NME8: variants seen among roughly 807,000 people sequenced by gnomAD.
The protein encoded by NME8 is protein NME8.
NME8 carries 72 observed loss-of-function variants against 82.3 expected under a neutral mutation model. The ratio of observed to expected loss-of-function variants is 0.87; its 90% CI spans 0.72 to 1.06. The LOEUF (loss-of-function observed/expected upper bound fraction) is 1.06. NME8 is among the 50% of genes least tolerant of loss of function. The pLI, the probability that NME8 is intolerant of heterozygous loss-of-function variation, is 0.00. For synonymous variants in NME8, 267 were observed against 228.5 expected, an observed-to-expected ratio of 1.17 and a Z score of -1.52; for missense variants, 712 against 685.4, an observed-to-expected ratio of 1.04 and a Z score of -0.43.
At chr7:37,851,231 T>C (rs1784434715) in intron 5 of NME8, among the ~76,000 whole-genome samples, 1 of 152,238 alleles carries the variant, frequency 6.6e-6, no homozygotes, top group African/African-American at 2.4e-5. Context: ...TCACATAAAA[T>C]GATCAACTAA....
At chr7:37,899,113 G>A (rs967093916) in intron 17 of NME8, among the ~76,000 whole-genome samples, 12 of 152,094 alleles carry the variant, frequency 7.9e-5, no homozygotes, top group Non-Finnish European at 1.5e-4. Flanking sequence ...AACCATTGTG[G>A]AGGACAGTGT....
At chr7:37,868,710 C>G (rs1486224197) in intron 11 of NME8, among the ~76,000 whole-genome samples, 1 of 152,164 alleles carries the variant, frequency 6.6e-6, no homozygotes, top group Non-Finnish European at 1.5e-5. Flanking sequence ...CCTGCCAACT[C>G]AGTCTCCTCT....
At chr7:37,885,379 G>C in intron 14 of NME8, 127 bp downstream of exon 14, 2 of 713,890 alleles carry the variant, frequency 2.8e-6, no homozygotes, top group Non-Finnish European at 5.1e-6. Context: ...CCTTTCCTGG[G>C]GACGGAGTGG....
At chr7:37,898,580 T>C (rs977258702) in intron 17 of NME8, among the ~76,000 whole-genome samples, 2 of 152,136 alleles carry the variant, frequency 1.3e-5, no homozygotes, top group Non-Finnish European at 2.9e-5. Flanking sequence ...CATGGATGAA[T>C]CTCAAAAAAA....
chr7:37,857,407 A>G (rs1162304162), intron 6 of NME8, 62 bp downstream of exon 6: 1 of 1,071,174 alleles, frequency 9.3e-7, no homozygotes, highest in Non-Finnish European at 1.4e-6. Flanking sequence ...AGAACAAGTA[A>G]CATTGTAAAA....
intron 12 of NME8, among the ~76,000 whole-genome samples, chr7:37,883,578 C>T (rs1013155119): frequency 6.6e-6 from 1 of 152,166 alleles, no homozygotes; most frequent in African/African-American, 2.4e-5. Flanking sequence ...ACTTATCCTT[C>T]TTTGTCACAA....
intron 12 of NME8, among the ~76,000 whole-genome samples, chr7:37,880,476 C>T (rs1404240563): frequency 6.6e-6 from 1 of 152,150 alleles, no homozygotes; most frequent in African/African-American, 2.4e-5. Context: ...ATTGTATTGC[C>T]TTTGCAACTT....
chr7:37,878,381 T>C (rs1221339811), intron 12 of NME8, among the ~76,000 whole-genome samples: 4 of 152,204 alleles, frequency 2.6e-5, no homozygotes, highest in Non-Finnish European at 5.9e-5. Flanking sequence ...TTTTTGTGTC[T>C]ATATTCAGGA....
intron 16 of NME8, 106 bp from the exon 17 acceptor site, chr7:37,896,764 A>T (rs1785234803): frequency 5.5e-6 from 5 of 915,490 alleles, no homozygotes; most frequent in African/African-American, 1.6e-5. Context: ...GACAAAGAAT[A>T]AAAAGGAGCT....
At chr7:37,874,328 G>A (rs2722304) in intron 11 of NME8, among the ~76,000 whole-genome samples, 84,267 of 151,466 alleles carry the variant, frequency 0.56, 24,538 homozygotes, top group East Asian at 0.69. Context: ...AAAACCTAGA[G>A]GTTTGTGGGT....
At chr7:37,867,134 C>G (rs1784695685) in intron 10 of NME8, among the ~76,000 whole-genome samples, 1 of 152,108 alleles carries the variant, frequency 6.6e-6, no homozygotes, top group Admixed American at 6.6e-5. Flanking sequence ...AGCGGGATGA[C>G]TTTTGGCTCT....
intron 11 of NME8, among the ~76,000 whole-genome samples, chr7:37,874,326 G>A (rs990214029): frequency 6.6e-6 from 1 of 152,098 alleles, no homozygotes. Flanking sequence ...ACAAAACCTA[G>A]AGGTTTGTGG....
intron 7 of NME8, 40 bp from the exon 8 acceptor site, chr7:37,863,356 C>A: frequency 8.4e-7 from 1 of 1,192,754 alleles, no homozygotes; most frequent in Non-Finnish European, 1.3e-6. Flanking sequence ...CATATTAAAA[C>A]ATAACTGTGT....
chr7:37,855,912 C>T (rs1784504979), intron 5 of NME8, among the ~76,000 whole-genome samples: 1 of 151,868 alleles, frequency 6.6e-6, no homozygotes, highest in Non-Finnish European at 1.5e-5. Context: ...GGCACAGCTG[C>T]AGCAATGGCT....
At chr7:37,879,095 A>T (rs1334345854) in intron 12 of NME8, among the ~76,000 whole-genome samples, 1 of 151,796 alleles carries the variant, frequency 6.6e-6, no homozygotes, top group African/African-American at 2.4e-5. Context: ...GATGTCTTAG[A>T]GTTGATATCA....
intron 12 of NME8, among the ~76,000 whole-genome samples, chr7:37,881,316 A>G (rs899004032): frequency 1.3e-5 from 2 of 152,156 alleles, no homozygotes; most frequent in African/African-American, 4.8e-5. Flanking sequence ...TTCTCTAGTA[A>G]GTTGAGAAAG....
intron 8 of NME8, 41 bp downstream of exon 8, chr7:37,863,503 A>G (rs1784630078): frequency 1.7e-6 from 2 of 1,150,170 alleles, no homozygotes; most frequent in Admixed American, 1.7e-5. Flanking sequence ...GGTTTTCTGT[A>G]CGTGGGCGGT....
At chr7:37,882,098 T>C (rs78031327) in intron 12 of NME8, among the ~76,000 whole-genome samples, 2,425 of 152,322 alleles carry the variant, frequency 0.016, 64 homozygotes, top group East Asian at 0.12. Flanking sequence ...TTTTTCAAGA[T>C]TGTATAGATA....
intron 6 of NME8, among the ~76,000 whole-genome samples, chr7:37,858,677 G>A (rs12536302): frequency 0.076 from 11,563 of 152,236 alleles, 590 homozygotes; most frequent in Admixed American, 0.17. Context: ...GCTGCACGTA[G>A]TGGGTAGGTG....
Sources: gnomAD v4.1 joint callset for allele counts (sites outside exome capture counted in the v4.1 genomes callset) on GRCh38, gnomAD v4.1.1 for gene constraint, MANE v1.5 for transcripts, NCBI Gene and HGNC (gene_info 2026-07-23, HGNC 2026-07-21) for gene names.